Variants in TUSC3 observed in about 807,000 individuals in gnomAD.
The protein encoded by TUSC3 is tumor suppressor candidate 3.
In TUSC3, 45 loss-of-function variants were observed where a neutral mutation model predicts 44.8. The observed-to-expected ratio is 1.00, with a 90% CI of 0.79 to 1.29. The LOEUF is 1.29. TUSC3 is among the 50% of genes most tolerant of loss of function. The pLI is 0.00. For missense variants in TUSC3, 519 were observed against 437.9 expected, an observed-to-expected ratio of 1.19 and a Z score of -1.65; for synonymous variants, 212 against 152.9, an observed-to-expected ratio of 1.39 and a Z score of -2.85.
the TUSC3 span, among the ~76,000 whole-genome samples, chr8:15,817,977 G>GA: frequency 6.6e-6 from 1 of 152,050 alleles, no homozygotes; most frequent in Non-Finnish European, 1.5e-5. Context: ...TCTAGGAATG[G>GA]AAAAAAGGAG....
chr8:15,677,945 C>G (rs1808261163), intron 6 of TUSC3, among the ~76,000 whole-genome samples: 1 of 152,110 alleles, frequency 6.6e-6, no homozygotes, highest in African/African-American at 2.4e-5. Flanking sequence ...CCTTTCAGAA[C>G]AGATCCAAAG....
Position 15,458,554 on chromosome 8 carries a change from A to T in TUSC3, n.92-24832A>T, listed in dbSNP as rs534996969. Among the ~76,000 whole-genome samples, 29 of 152,272 alleles carry T rather than the reference A, an allele frequency of 1.9e-4. No individual in the cohort carries two copies. The East Asian group carries it at 5.4e-3, about 28-fold the overall frequency. On this transcript the variant is annotated intron_variant and non_coding_transcript_variant, in intron 1 of 5. Transcript: ENST00000503191. ...GAGCCCAGCCAGTGCTTATTTCATT[A>T]TTATAAAAAACGTGTTAAATAAAAG...
chr8:15,847,173 C>G, the TUSC3 span, among the ~76,000 whole-genome samples: 1 of 152,094 alleles, frequency 6.6e-6, no homozygotes. Context: ...CAGGGAGAGG[C>G]AGGGGAAGGA....
the TUSC3 span, among the ~76,000 whole-genome samples, chr8:15,819,064 GAA>G: frequency 6.7e-6 from 1 of 150,068 alleles, no homozygotes; most frequent in African/African-American, 2.4e-5. Flanking sequence ...GTCTCTACAA[GAA>G]AAAAAAAATT....
intron 1 of TUSC3, among the ~76,000 whole-genome samples, chr8:15,550,962 T>C (rs896591955): frequency 6.6e-6 from 1 of 151,742 alleles, no homozygotes; most frequent in Non-Finnish European, 1.5e-5. Context: ...TGAAATAAAA[T>C]GGTAACTTAC....
At chr8:15,426,526 T>C (rs551375521) in intron 1 of TUSC3, among the ~76,000 whole-genome samples, 1 of 152,346 alleles carries the variant, frequency 6.6e-6, no homozygotes, top group Admixed American at 6.5e-5. Context: ...CTTATTTCAC[T>C]AAGCATAATG....
At chr8:15,843,103 A>G in the TUSC3 span, among the ~76,000 whole-genome samples, 2 of 152,148 alleles carry the variant, frequency 1.3e-5, no homozygotes, top group African/African-American at 4.8e-5. Flanking sequence ...CTGCAAAATA[A>G]CAGAATTTAC....
chr8:15,588,511 T>A (rs1442265113), intron 1 of TUSC3, among the ~76,000 whole-genome samples: 2 of 152,206 alleles, frequency 1.3e-5, no homozygotes, highest in Non-Finnish European at 2.9e-5. Context: ...CTATGGGCTG[T>A]CTCTTCACTC....
At chr8:15,747,334 T>G (rs138088933) in intron 8 of TUSC3, among the ~76,000 whole-genome samples, 304 of 152,198 alleles carry the variant, frequency 2.0e-3, no homozygotes, top group African/African-American at 7.0e-3. Flanking sequence ...TCAAATTGTT[T>G]AGAATTCTCT....
chr8:15,506,820 C>A (rs1801058161), intron 2 of TUSC3, among the ~76,000 whole-genome samples: 1 of 152,094 alleles, frequency 6.6e-6, no homozygotes, highest in South Asian at 2.1e-4. Context: ...CAAATCACAG[C>A]CATTCCAGAA....
At chr8:15,830,331 T>C in the TUSC3 span, among the ~76,000 whole-genome samples, 1 of 152,196 alleles carries the variant, frequency 6.6e-6, no homozygotes, top group Non-Finnish European at 1.5e-5. Flanking sequence ...CATTTACTTT[T>C]GAGGCCTTAT....
the TUSC3 span, among the ~76,000 whole-genome samples, chr8:15,850,982 T>C: frequency 2.0e-5 from 3 of 152,204 alleles, 1 homozygote; most frequent in South Asian, 6.2e-4. Context: ...GAGCATATTC[T>C]TCACTATACT....
At chr8:15,714,823 T>G (rs1457956449) in intron 6 of TUSC3, among the ~76,000 whole-genome samples, 1 of 152,186 alleles carries the variant, frequency 6.6e-6, no homozygotes, top group Non-Finnish European at 1.5e-5. Context: ...TAACCAATTC[T>G]GGTAGATGTT....
At chr8:15,610,782 G>T (rs1160087526) in intron 1 of TUSC3, among the ~76,000 whole-genome samples, 8 of 152,088 alleles carry the variant, frequency 5.3e-5, no homozygotes, top group Non-Finnish European at 1.2e-4. Context: ...TTCAGTAGAG[G>T]TATAGGGAGG....
At chr8:15,827,059 T>G in the TUSC3 span, among the ~76,000 whole-genome samples, 1 of 152,180 alleles carries the variant, frequency 6.6e-6, no homozygotes, top group Non-Finnish European at 1.5e-5. Flanking sequence ...TTGAATTCCC[T>G]TCCACATTTC....
intron 2 of TUSC3, among the ~76,000 whole-genome samples, chr8:15,529,040 C>G (rs111871857): frequency 6.6e-6 from 1 of 152,178 alleles, no homozygotes; most frequent in Non-Finnish European, 1.5e-5. Flanking sequence ...CTGACCTTTC[C>G]TGATACATAG....
chr8:15,583,191 A>G (rs1447515121), intron 1 of TUSC3, among the ~76,000 whole-genome samples: 3 of 152,238 alleles, frequency 2.0e-5, no homozygotes, highest in African/African-American at 7.2e-5. Context: ...TCAAAATGAA[A>G]TTAAATAGTA....
intron 7 of TUSC3, among the ~76,000 whole-genome samples, chr8:15,743,113 C>CA (rs1483689918): frequency 6.6e-6 from 1 of 152,104 alleles, no homozygotes; most frequent in Non-Finnish European, 1.5e-5. Flanking sequence ...TTCAACTAAA[C>CA]AAAATCTATG....
intron 6 of TUSC3, among the ~76,000 whole-genome samples, chr8:15,682,325 G>C (rs1808460087): frequency 6.6e-6 from 1 of 152,042 alleles, no homozygotes; most frequent in Non-Finnish European, 1.5e-5. Context: ...TTTTATGAAT[G>C]TTTTATGAAT....
Sources: allele counts gnomAD v4.1 joint callset (sites outside exome capture counted in the v4.1 genomes callset), GRCh38; gene constraint gnomAD v4.1.1; transcripts MANE v1.5; gene names NCBI Gene and HGNC (gene_info 2026-07-23, HGNC 2026-07-21).